Variants in LRRC1 observed in about 807,000 individuals in gnomAD.
LRRC1 encodes the protein leucine rich repeat containing 1, also known as leucine-rich repeat-containing protein 1.
In LRRC1, 28 loss-of-function variants were observed where a neutral mutation model predicts 69.9. The ratio of observed to expected loss-of-function variants is 0.40; its 90% CI spans 0.30 to 0.55. The LOEUF (loss-of-function observed/expected upper bound fraction) is 0.55. Ranked by LOEUF, LRRC1 falls within the 20% of genes least tolerant of loss-of-function variation. LRRC1 has a pLI of 0.47. For synonymous variants in LRRC1, 236 were observed against 240.2 expected (o/e 0.98, Z 0.16); for missense variants, 498 against 609.0 (o/e 0.82, Z 1.92).
chr6:53,898,181 C>G (rs1447824439), intron 7 of LRRC1, among the ~76,000 whole-genome samples: 5 of 152,172 alleles, frequency 3.3e-5, no homozygotes, highest in African/African-American at 7.2e-5. Context: ...GTTGTTATAG[C>G]ACTGAAGTTT....
At chr6:53,902,156 T>C (rs867742090) in intron 8 of LRRC1, among the ~76,000 whole-genome samples, 1 of 152,220 alleles carries the variant, frequency 6.6e-6, no homozygotes, top group Non-Finnish European at 1.5e-5. Context: ...CCATCCTTAA[T>C]ATGGCTTTCC....
chr6:53,916,217 G>A (rs1768561495), intron 11 of LRRC1, among the ~76,000 whole-genome samples: 1 of 152,134 alleles, frequency 6.6e-6, no homozygotes. Context: ...TGCAAAACTG[G>A]GCATTTGAGG....
intron 13 of LRRC1, among the ~76,000 whole-genome samples, chr6:53,921,079 G>A (rs932767042): frequency 3.3e-5 from 5 of 151,752 alleles, no homozygotes; most frequent in Admixed American, 6.6e-5. Context: ...GCCATCCCCC[G>A]ACCTCAGCCT....
At chr6:53,800,072 A>T (rs150751908) in intron 1 of LRRC1, among the ~76,000 whole-genome samples, 9 of 152,160 alleles carry the variant, frequency 5.9e-5, no homozygotes, top group Non-Finnish European at 8.8e-5. Flanking sequence ...CAACACTTGG[A>T]GACTCTGTTC....
At chr6:53,825,618 A>G (rs561331643) in intron 1 of LRRC1, among the ~76,000 whole-genome samples, 1 of 152,272 alleles carries the variant, frequency 6.6e-6, no homozygotes, top group East Asian at 1.9e-4. Context: ...GCTGTTCATG[A>G]GAGTCACCCG....
intron 1 of LRRC1, among the ~76,000 whole-genome samples, chr6:53,795,838 C>A (rs898513536): frequency 6.6e-6 from 1 of 152,252 alleles, no homozygotes; most frequent in Non-Finnish European, 1.5e-5. Flanking sequence ...GCCGGGCGCG[C>A]CTCTCCTTTA....
chr6:53,867,156 G>A (rs970544817), intron 2 of LRRC1, among the ~76,000 whole-genome samples: 2 of 152,030 alleles, frequency 1.3e-5, no homozygotes, highest in Admixed American at 6.5e-5. Context: ...TTGCTGATTC[G>A]GAGAATGGAG....
chr6:53,855,631 G>C (rs1766286122), intron 2 of LRRC1, among the ~76,000 whole-genome samples: 1 of 152,198 alleles, frequency 6.6e-6, no homozygotes. Context: ...CTGTTTACCT[G>C]GGTAGGAACT....
At chr6:53,854,072 C>T (rs1766233246) in intron 2 of LRRC1, among the ~76,000 whole-genome samples, 1 of 152,204 alleles carries the variant, frequency 6.6e-6, no homozygotes, top group South Asian at 2.1e-4. Context: ...CATATCTTCT[C>T]TGAGCAAACC....
chr6:53,904,605 C>A, intron 10 of LRRC1, 143 bp downstream of exon 10: 1 of 488,224 alleles, frequency 2.0e-6, no homozygotes, highest in Non-Finnish European at 3.7e-6. Context: ...AGTATAGAGC[C>A]AACTGGAGGA....
intron 8 of LRRC1, among the ~76,000 whole-genome samples, chr6:53,901,531 G>A (rs1184244812): frequency 6.6e-6 from 1 of 151,706 alleles, no homozygotes; most frequent in Non-Finnish European, 1.5e-5. Context: ...GGGCAATAGA[G>A]TGAGGCCCTG....
intron 2 of LRRC1, among the ~76,000 whole-genome samples, chr6:53,870,159 C>T (rs1303134585): frequency 1.3e-5 from 2 of 152,120 alleles, no homozygotes; most frequent in Non-Finnish European, 2.9e-5. Context: ...CAGCTGTGTT[C>T]TCTGGCAATT....
chr6:53,802,998 C>T (rs1159778147), intron 1 of LRRC1, among the ~76,000 whole-genome samples: 2 of 152,168 alleles, frequency 1.3e-5, no homozygotes, highest in Non-Finnish European at 2.9e-5. Flanking sequence ...GCTTCCACAA[C>T]CCCCAGTTCC....
intron 2 of LRRC1, among the ~76,000 whole-genome samples, chr6:53,858,260 T>C (rs1766381425): frequency 1.3e-5 from 2 of 151,246 alleles, no homozygotes; most frequent in South Asian, 2.1e-4. Flanking sequence ...TATTTCACTT[T>C]GGGATTTTTT....
intron 11 of LRRC1, among the ~76,000 whole-genome samples, chr6:53,918,753 G>C (rs1012013273): frequency 2.0e-5 from 3 of 152,180 alleles, no homozygotes; most frequent in Non-Finnish European, 4.4e-5. Flanking sequence ...TGAAATCTTT[G>C]TGCAAACATA....
intron 1 of LRRC1, among the ~76,000 whole-genome samples, chr6:53,811,816 C>CT (rs1169954531): frequency 3.3e-5 from 5 of 152,214 alleles, no homozygotes; most frequent in African/African-American, 1.2e-4. Context: ...AAGGCGCAGG[C>CT]TTTTACATGC....
chr6:53,897,369 A>G lies in LRRC1; in HGVS notation c.642+10A>G, dbSNP rs1767909826. Reference sequence around the variant, plus strand: ...GTCAGAATTACCTCAGGTAAGTGGTAATTTCACAGTGTCTCCCCAAAACAT... The same window carrying G: ...GTCAGAATTACCTCAGGTAAGTGGTGATTTCACAGTGTCTCCCCAAAACAT... On this transcript the variant is annotated intron_variant, in intron 7 of 13. Transcript: ENST00000370888. The G allele has an allele frequency of 6.3e-7, 1 of 1,581,942 alleles. No individual in the cohort carries two copies. Among genetic ancestry groups the G allele is most frequent in the Admixed American group, 1.7e-5 (1 of 59,758 alleles).
chr6:53,859,617 T>C (rs1476474406), intron 2 of LRRC1, among the ~76,000 whole-genome samples: 4 of 152,106 alleles, frequency 2.6e-5, no homozygotes, highest in Non-Finnish European at 5.9e-5. Flanking sequence ...TTTTGCCCAG[T>C]TCAAAATTCA....
intron 10 of LRRC1, among the ~76,000 whole-genome samples, chr6:53,910,456 A>G (rs1377903184): frequency 6.6e-6 from 1 of 152,190 alleles, no homozygotes; most frequent in Non-Finnish European, 1.5e-5. Flanking sequence ...TATTAATACA[A>G]AATGTCACTG....
Sources: allele counts gnomAD v4.1 joint callset (sites outside exome capture counted in the v4.1 genomes callset), GRCh38; gene constraint gnomAD v4.1.1; transcripts MANE v1.5; gene names NCBI Gene and HGNC (gene_info 2026-07-23, HGNC 2026-07-21).